Variants in GRM8 observed in about 807,000 individuals in gnomAD.
GRM8 encodes the protein glutamate metabotropic receptor 8, also known as metabotropic glutamate receptor 8.
In GRM8, 47 loss-of-function variants were observed where a neutral mutation model predicts 87.2. The ratio of observed to expected loss-of-function variants is 0.54; its 90% CI spans 0.43 to 0.69. The LOEUF is 0.69. Among genes scored for constraint, GRM8 ranks in the 30% least tolerant of loss-of-function variants. The pLI is 0.00. For missense variants in GRM8, 1,019 were observed against 1,139.2 expected (o/e 0.89, Z 1.52); for synonymous variants, 396 against 404.5 (o/e 0.98, Z 0.25).
intron 8 of GRM8, among the ~76,000 whole-genome samples, chr7:126,547,109 A>C (rs1442302171): frequency 1.3e-5 from 2 of 152,216 alleles, no homozygotes; most frequent in Non-Finnish European, 2.9e-5. Flanking sequence ...ATAAAAGATC[A>C]AAATGTTATG....
At chr7:126,714,493 A>G (rs2151434478) in intron 7 of GRM8, among the ~76,000 whole-genome samples, 1 of 152,152 alleles carries the variant, frequency 6.6e-6, no homozygotes, top group African/African-American at 2.4e-5. Context: ...TAATTTGCTT[A>G]ATGTCATTCA....
intron 7 of GRM8, among the ~76,000 whole-genome samples, chr7:126,742,062 G>T (rs976943928): frequency 6.6e-6 from 1 of 151,942 alleles, no homozygotes; most frequent in Admixed American, 6.6e-5. Context: ...CACAGGAAAA[G>T]TTGGTCTTCA....
intron 3 of GRM8, among the ~76,000 whole-genome samples, chr7:126,926,496 A>G (rs1025173818): frequency 3.3e-5 from 5 of 152,150 alleles, no homozygotes; most frequent in Admixed American, 6.5e-5. Context: ...GGGTTACTAT[A>G]ATAACCTCTT....
At chr7:127,064,973 T>G (rs892425590) in intron 3 of GRM8, among the ~76,000 whole-genome samples, 6 of 152,202 alleles carry the variant, frequency 3.9e-5, no homozygotes, top group Admixed American at 6.5e-5. Context: ...CTCAAAGAGC[T>G]AAAAGCAGAA....
chr7:126,496,773 T>G (rs1808804958), intron 9 of GRM8, among the ~76,000 whole-genome samples: 1 of 152,048 alleles, frequency 6.6e-6, no homozygotes, highest in Non-Finnish European at 1.5e-5. Flanking sequence ...TAGGAGAAAT[T>G]GGGGTGATGT....
At chr7:126,911,966 A>G (rs1341080879) in intron 3 of GRM8, among the ~76,000 whole-genome samples, 1 of 152,086 alleles carries the variant, frequency 6.6e-6, no homozygotes, top group Non-Finnish European at 1.5e-5. Flanking sequence ...AGGCCAAGGC[A>G]GGCAGATCAA....
intron 9 of GRM8, among the ~76,000 whole-genome samples, chr7:126,515,678 C>A (rs912224032): frequency 6.6e-6 from 1 of 152,042 alleles, no homozygotes; most frequent in Non-Finnish European, 1.5e-5. Context: ...CATTCCTTGG[C>A]TCATGGCCCC....
intron 3 of GRM8, among the ~76,000 whole-genome samples, chr7:127,014,934 A>G (rs1815256381): frequency 7.1e-6 from 1 of 139,982 alleles, no homozygotes; most frequent in South Asian, 2.4e-4. Flanking sequence ...AAGGAGAGAG[A>G]GAGAGAGAGA....
At chr7:126,986,497 T>C (rs1334994206) in intron 3 of GRM8, among the ~76,000 whole-genome samples, 2 of 152,250 alleles carry the variant, frequency 1.3e-5, no homozygotes, top group South Asian at 2.1e-4. Flanking sequence ...TTTACTTTTC[T>C]TTTCTTCATA....
chr7:127,056,477 G>A (rs1181951651), intron 3 of GRM8, among the ~76,000 whole-genome samples: 1 of 152,168 alleles, frequency 6.6e-6, no homozygotes, highest in African/African-American at 2.4e-5. Flanking sequence ...CTTAGCTAAT[G>A]ATCTACTGTC....
chr7:127,083,937 T>C (rs974404179), intron 3 of GRM8, among the ~76,000 whole-genome samples: 4 of 152,154 alleles, frequency 2.6e-5, no homozygotes, highest in Admixed American at 2.0e-4. Context: ...TTCTGTTCAT[T>C]TGGGGAACCT....
At chr7:126,831,697 G>A (rs569406423) in intron 6 of GRM8, among the ~76,000 whole-genome samples, 16 of 152,166 alleles carry the variant, frequency 1.1e-4, no homozygotes, top group East Asian at 5.8e-4. Flanking sequence ...TGCACAGTGC[G>A]CTGCACCCAC....
rs544006275 is a variant in GRM8, at chr7:126,542,832, G to C, written c.1495-8945C>G. ...CAGAGGGAGGATGGCAGAGAAGCAA[G>C]AATATGAATTAGAGAAATATTGCCA... On this transcript the variant is annotated intron_variant, in intron 8 of 10. Coordinates refer to ENST00000339582, the MANE Select transcript of GRM8 (RefSeq NM_000845.3). Among the ~76,000 whole-genome samples, 71 of 152,328 alleles carry C rather than the reference G, an allele frequency of 4.7e-4. 1 individual carries two copies. Among genetic ancestry groups the C allele is most frequent in the African/African-American group, 1.7e-3 (71 of 41,578 alleles).
At chr7:127,168,679 TA>T (rs1284584597) in intron 2 of GRM8, among the ~76,000 whole-genome samples, 3 of 152,182 alleles carry the variant, frequency 2.0e-5, no homozygotes, top group South Asian at 4.1e-4. Context: ...TATAGAGCCA[TA>T]AAAAAGTGTG....
chr7:126,462,093 C>G (rs1043123762), intron 9 of GRM8, among the ~76,000 whole-genome samples: 1 of 151,274 alleles, frequency 6.6e-6, no homozygotes, highest in Non-Finnish European at 1.5e-5. Context: ...GTACAGGAAT[C>G]TTTTGCAATA....
intron 9 of GRM8, among the ~76,000 whole-genome samples, chr7:126,480,937 T>C (rs1806598161): frequency 6.6e-6 from 1 of 152,118 alleles, no homozygotes; most frequent in South Asian, 2.1e-4. Context: ...AAATACAAGA[T>C]GAACCTGGAA....
chr7:126,978,102 T>C (rs2131834144), intron 3 of GRM8, among the ~76,000 whole-genome samples: 1 of 151,922 alleles, frequency 6.6e-6, no homozygotes, highest in East Asian at 1.9e-4. Flanking sequence ...GAAAGGTTAA[T>C]GTGAATCAAC....
At chr7:127,146,992 A>G (rs983971696) in intron 2 of GRM8, among the ~76,000 whole-genome samples, 1 of 152,108 alleles carries the variant, frequency 6.6e-6, no homozygotes, top group Non-Finnish European at 1.5e-5. Flanking sequence ...GTCTACTCAC[A>G]GCGTAGGAAG....
intron 9 of GRM8, among the ~76,000 whole-genome samples, chr7:126,448,756 A>C (rs1802293294): frequency 6.6e-6 from 1 of 151,898 alleles, no homozygotes; most frequent in Non-Finnish European, 1.5e-5. Context: ...AAAGGCATCT[A>C]ACAAAATCCT....
Sources: gnomAD v4.1 joint callset for allele counts (sites outside exome capture counted in the v4.1 genomes callset) on GRCh38, gnomAD v4.1.1 for gene constraint, MANE v1.5 for transcripts, NCBI Gene and HGNC (gene_info 2026-07-23, HGNC 2026-07-21) for gene names.